The following PTPRT variants were observed in gnomAD, a reference collection of about 807,000 sequenced individuals.
PTPRT encodes protein tyrosine phosphatase receptor type T.
PTPRT carries 56 observed loss-of-function variants against 176.8 expected under a neutral mutation model. The observed-to-expected ratio is 0.32, with a 90% confidence interval of 0.26 to 0.40. The LOEUF (loss-of-function observed/expected upper bound fraction) is 0.40, where lower values mean the gene tolerates loss of function less well. PTPRT is among the 10% of genes least tolerant of loss of function. The pLI, the probability that PTPRT is intolerant of heterozygous loss-of-function variation, is 1.00. For missense variants in PTPRT, 1,540 were observed against 1,908.2 expected, an observed-to-expected ratio of 0.81 and a Z score of 3.60; for synonymous variants, 783 against 739.0, an observed-to-expected ratio of 1.06 and a Z score of -0.96.
intron 9 of PTPRT, among the ~76,000 whole-genome samples, chr20:42,396,279 T>C (rs1178572707): frequency 6.6e-6 from 1 of 152,188 alleles, no homozygotes; most frequent in African/African-American, 2.4e-5. Context: ...CCAAATTCCA[T>C]TGGCTTTATC....
At chr20:42,097,124 A>G (rs1321476009) in intron 27 of PTPRT, among the ~76,000 whole-genome samples, 1 of 152,200 alleles carries the variant, frequency 6.6e-6, no homozygotes, top group East Asian at 1.9e-4. Flanking sequence ...TTGGGCTTGC[A>G]TGAAAGCTTT....
chr20:42,212,720 A>G (rs1428552998), intron 15 of PTPRT, among the ~76,000 whole-genome samples: 1 of 152,162 alleles, frequency 6.6e-6, no homozygotes, highest in African/African-American at 2.4e-5. Context: ...TTGCTGGTAA[A>G]CCACTTTGCC....
intron 1 of PTPRT, among the ~76,000 whole-genome samples, chr20:43,117,526 G>A (rs2013105348): frequency 6.6e-6 from 1 of 151,980 alleles, no homozygotes; most frequent in South Asian, 2.1e-4. Flanking sequence ...GGTGGGTGGG[G>A]GACAGCCAAG....
chr20:42,803,369 C>A (rs894791086), intron 2 of PTPRT, among the ~76,000 whole-genome samples: 2 of 152,192 alleles, frequency 1.3e-5, no homozygotes, highest in Admixed American at 1.3e-4. Context: ...AGTTTGAGAA[C>A]CACTTTTTTT....
intron 1 of PTPRT, among the ~76,000 whole-genome samples, chr20:42,975,155 G>A (rs1394784547): frequency 6.6e-6 from 1 of 152,038 alleles, no homozygotes; most frequent in Non-Finnish European, 1.5e-5. Flanking sequence ...AAAAAATGTT[G>A]TTTTCCATTG....
chr20:42,921,050 T>C (rs893400591), intron 1 of PTPRT, among the ~76,000 whole-genome samples: 1 of 152,168 alleles, frequency 6.6e-6, no homozygotes, highest in African/African-American at 2.4e-5. Context: ...ATGCTCATGA[T>C]GAAATGTTAA....
chr20:42,827,606 G>A (rs1260191405), intron 2 of PTPRT, among the ~76,000 whole-genome samples: 1 of 152,186 alleles, frequency 6.6e-6, no homozygotes, highest in African/African-American at 2.4e-5. Context: ...TGGTTTGGCT[G>A]TGTCCCCACC....
At chr20:42,108,120 C>T (rs73131110) in intron 23 of PTPRT, among the ~76,000 whole-genome samples, 54 of 151,814 alleles carry the variant, frequency 3.6e-4, no homozygotes, top group Non-Finnish European at 6.3e-4. Context: ...AATTTGGTTC[C>T]AAATTTTGGA....
chr20:42,130,330 C>T (rs765218063), intron 18 of PTPRT, among the ~76,000 whole-genome samples: 3 of 152,100 alleles, frequency 2.0e-5, no homozygotes, highest in African/African-American at 4.8e-5. Context: ...TGGCAGTGCT[C>T]AGGAGCTGGG....
chr20:42,226,143 C>T (rs767303282), intron 15 of PTPRT, among the ~76,000 whole-genome samples: 58 of 152,324 alleles, frequency 3.8e-4, no homozygotes, highest in Non-Finnish European at 7.1e-4. Context: ...CGTTCAAGTT[C>T]CTTTTAAGCT....
At chr20:42,167,377 CT>C (rs1989874678) in intron 16 of PTPRT, among the ~76,000 whole-genome samples, 1 of 152,190 alleles carries the variant, frequency 6.6e-6, no homozygotes, top group Non-Finnish European at 1.5e-5. Context: ...CATGACAGGA[CT>C]ACTCCATCAG....
intron 1 of PTPRT, among the ~76,000 whole-genome samples, chr20:42,899,657 A>T (rs1306543780): frequency 6.6e-6 from 1 of 152,208 alleles, no homozygotes; most frequent in African/African-American, 2.4e-5. Flanking sequence ...CCAGGGCAGG[A>T]AGTGTGCATC....
intron 7 of PTPRT, among the ~76,000 whole-genome samples, chr20:42,605,536 G>A (rs8121443): frequency 0.14 from 21,085 of 152,170 alleles, 1,536 homozygotes; most frequent in African/African-American, 0.16. Flanking sequence ...ATCGATTCTC[G>A]ACCTCAATTT....
chr20:42,056,854 G>A, the PTPRT span, among the ~76,000 whole-genome samples: 5 of 152,304 alleles, frequency 3.3e-5, no homozygotes, highest in East Asian at 9.6e-4. Context: ...CCTAACACAG[G>A]AAAGAGCAGA....
intron 11 of PTPRT, among the ~76,000 whole-genome samples, chr20:42,316,442 A>G (rs2057722683): frequency 6.6e-6 from 1 of 151,966 alleles, no homozygotes; most frequent in Admixed American, 6.6e-5. Flanking sequence ...TTCTCCTTCC[A>G]CTGATAATGC....
intron 14 of PTPRT, among the ~76,000 whole-genome samples, chr20:42,242,056 G>A (rs752747450): frequency 5.9e-5 from 9 of 152,238 alleles, no homozygotes; most frequent in African/African-American, 1.7e-4. Context: ...TTAATAAAGT[G>A]CACTGCTCTT....
At chr20:42,457,031 T>C (rs1259910500) in intron 8 of PTPRT, among the ~76,000 whole-genome samples, 1 of 152,196 alleles carries the variant, frequency 6.6e-6, no homozygotes, top group Non-Finnish European at 1.5e-5. Flanking sequence ...TTTTAATTAA[T>C]AGTTTGCCAT....
chr20:42,878,804 G>A lies in PTPRT; in HGVS notation c.214+7003C>T, dbSNP rs545075881. 7.9e-5 allele frequency among the ~76,000 whole-genome samples: 12 copies of A among 152,220 alleles called. No homozygotes were observed. In the East Asian group the frequency reaches 1.2e-3, roughly 15 times the overall value. ...AGCACTTTGGGAGGCCGAGGTGGGC[G>A]GATCATGAGGTCAGGAGATTGAGAC... On this transcript the variant is annotated intron_variant, in intron 2 of 30. Transcript: ENST00000373187.
At chr20:42,537,432 T>C (rs934785228) in intron 7 of PTPRT, among the ~76,000 whole-genome samples, 1 of 152,216 alleles carries the variant, frequency 6.6e-6, no homozygotes, top group Non-Finnish European at 1.5e-5. Context: ...AAATTATTCA[T>C]TTAGAAAACA....
Sources: allele counts gnomAD v4.1 joint callset (sites outside exome capture counted in the v4.1 genomes callset), GRCh38; gene constraint gnomAD v4.1.1; transcripts MANE v1.5; gene names NCBI Gene and HGNC (gene_info 2026-07-23, HGNC 2026-07-21).